Variants in CHLSN observed in about 807,000 individuals in gnomAD.
The protein encoded by CHLSN is protein cholesin.
the CHLSN span, among the ~76,000 whole-genome samples, chr7:1,068,137 G>A: frequency 6.6e-6 from 1 of 152,172 alleles, no homozygotes; most frequent in African/African-American, 2.4e-5. Flanking sequence ...CTTAGCAGAG[G>A]GCAAAGCCTT....
chr7:1,044,676 G>A, the CHLSN span: 1 of 152,116 alleles, frequency 6.6e-6, no homozygotes, highest in South Asian at 2.1e-4. Context: ...GGGCCCGGGA[G>A]CCTGGGTCGG....
At chr7:1,101,132 C>T in the CHLSN span, among the ~76,000 whole-genome samples, 828 of 152,372 alleles carry the variant, frequency 5.4e-3, 8 homozygotes, top group African/African-American at 0.019. Context: ...CAGGCGTGTA[C>T]GTGCGCACAC....
At chr7:1,066,404 T>C in the CHLSN span, among the ~76,000 whole-genome samples, 1 of 152,214 alleles carries the variant, frequency 6.6e-6, no homozygotes, top group Non-Finnish European at 1.5e-5. Context: ...CTCCGGGCCA[T>C]GCTGAGGGAC....
chr7:1,063,583 C>T, the CHLSN span, among the ~76,000 whole-genome samples: 1 of 152,240 alleles, frequency 6.6e-6, no homozygotes, highest in African/African-American at 2.4e-5. Context: ...CCATGGGCCC[C>T]TGCGTGGGGC....
At chr7:1,070,453 C>T in the CHLSN span, among the ~76,000 whole-genome samples, 4 of 120,522 alleles carry the variant, frequency 3.3e-5, no homozygotes, top group Admixed American at 2.4e-4. Flanking sequence ...CCCCTCTGCC[C>T]GGCCAGCACA....
the CHLSN span, among the ~76,000 whole-genome samples, chr7:990,663 G>C: frequency 6.6e-6 from 1 of 152,220 alleles, no homozygotes; most frequent in Admixed American, 6.5e-5. Context: ...AGAAGGGGAC[G>C]GAGGGATGGA....
chr7:1,118,408 A>G, the CHLSN span, among the ~76,000 whole-genome samples: 1 of 152,218 alleles, frequency 6.6e-6, no homozygotes, highest in African/African-American at 2.4e-5. Context: ...TCTAAGATCA[A>G]CATCCAAATT....
the CHLSN span, among the ~76,000 whole-genome samples, chr7:1,102,314 C>A: frequency 3.9e-5 from 6 of 152,248 alleles, no homozygotes; most frequent in African/African-American, 1.2e-4. Flanking sequence ...CCTTCTCCAC[C>A]GCGCAGTCCC....
At chr7:1,094,334 G>A in the CHLSN span, among the ~76,000 whole-genome samples, 10 of 152,212 alleles carry the variant, frequency 6.6e-5, no homozygotes, top group Admixed American at 1.3e-4. Context: ...AGAAACCTGC[G>A]CAGGGCGTCG....
the CHLSN span, among the ~76,000 whole-genome samples, chr7:1,057,072 G>A: frequency 6.6e-6 from 1 of 152,152 alleles, no homozygotes; most frequent in Non-Finnish European, 1.5e-5. Context: ...GGGAGGCTCA[G>A]GGCTGACCGT....
At chr7:1,042,734 G>A in the CHLSN span, among the ~76,000 whole-genome samples, 3 of 152,132 alleles carry the variant, frequency 2.0e-5, no homozygotes, top group African/African-American at 7.2e-5. Context: ...ACAGAGCCTG[G>A]CATTACAGGG....
the CHLSN span, chr7:984,820 G>A: frequency 3.0e-6 from 4 of 1,314,732 alleles, no homozygotes; most frequent in East Asian, 9.5e-5. Context: ...CAGGGGGACG[G>A]GAGTGGGGAT....
At chr7:1,092,154 C>CA in the CHLSN span, 1 of 1,613,430 alleles carries the variant, frequency 6.2e-7, no homozygotes, top group Non-Finnish European at 8.5e-7. Flanking sequence ...TCAACATGTA[C>CA]AGCAGCGTCT....
At chr7:1,134,175 A>G in the CHLSN span, among the ~76,000 whole-genome samples, 5 of 151,958 alleles carry the variant, frequency 3.3e-5, no homozygotes, top group East Asian at 7.8e-4. Flanking sequence ...TGGGAGGTTG[A>G]GGCAGGAGAA....
At chr7:1,089,229 G>GT in the CHLSN span, among the ~76,000 whole-genome samples, 1 of 152,140 alleles carries the variant, frequency 6.6e-6, no homozygotes, top group Non-Finnish European at 1.5e-5. Flanking sequence ...CTGTTCAATG[G>GT]TATTATCTAC....
At chr7:1,050,058 C>T in the CHLSN span, among the ~76,000 whole-genome samples, 1 of 152,230 alleles carries the variant, frequency 6.6e-6, no homozygotes, top group African/African-American at 2.4e-5. Context: ...GCAGGGCCCC[C>T]TCAGCGGGCC....
At chr7:1,132,901 T>A in the CHLSN span, among the ~76,000 whole-genome samples, 1 of 152,132 alleles carries the variant, frequency 6.6e-6, no homozygotes, top group African/African-American at 2.4e-5. Context: ...AACAGGCACA[T>A]GAAACACAGC....
At chr7:1,084,593 G>A in the CHLSN span, among the ~76,000 whole-genome samples, 30,672 of 152,134 alleles carry the variant, frequency 0.2, 3,293 homozygotes, top group African/African-American at 0.23. Flanking sequence ...CTTGCCCCTG[G>A]TGGACCGCTC....
chr7:1,070,574 A>G, the CHLSN span, among the ~76,000 whole-genome samples: 2 of 145,298 alleles, frequency 1.4e-5, no homozygotes, highest in African/African-American at 5.0e-5. Flanking sequence ...ACACACGCAA[A>G]CACGCACACA....
Sources: gnomAD v4.1 joint callset for allele counts (sites outside exome capture counted in the v4.1 genomes callset) on GRCh38, gnomAD v4.1.1 for gene constraint, MANE v1.5 for transcripts, NCBI Gene and HGNC (gene_info 2026-07-23, HGNC 2026-07-21) for gene names.